The following ZNF804A variants were observed in gnomAD, a reference collection of about 807,000 sequenced individuals.
ZNF804A encodes zinc finger protein 804A.
A neutral mutation model predicts 16.5 loss-of-function variants in ZNF804A; 2 were observed. The observed-to-expected ratio is 0.12, with a 90% CI of 0.05 to 0.38. ZNF804A has a LOEUF of 0.38. Among genes scored for constraint, ZNF804A ranks in the 10% least tolerant of loss-of-function variants. The pLI is 0.99. For missense variants in ZNF804A, 1,473 were observed against 1,390.7 expected (o/e 1.06, Z -0.94); for synonymous variants, 534 against 489.6 (o/e 1.09, Z -1.20).
At chr2:184,888,273 G>A (rs1027212680) in intron 2 of ZNF804A, among the ~76,000 whole-genome samples, 1 of 152,062 alleles carries the variant, frequency 6.6e-6, no homozygotes, top group Non-Finnish European at 1.5e-5. Flanking sequence ...AAGTAAAGCA[G>A]AATTTCAAGT....
At chr2:184,798,100 AAATCTGCTTTT>A (rs1301948101) in intron 1 of ZNF804A, among the ~76,000 whole-genome samples, 1 of 150,938 alleles carries the variant, frequency 6.6e-6, no homozygotes, top group East Asian at 1.9e-4. Context: ...TTCTGCTGAG[AAATCTGCTTTT>A]AATCTGATAG....
chr2:184,857,857 T>C (rs922665076), intron 1 of ZNF804A, among the ~76,000 whole-genome samples: 1 of 152,174 alleles, frequency 6.6e-6, no homozygotes, highest in Admixed American at 6.5e-5. Flanking sequence ...ACATGTGAAA[T>C]GAATCTCTTA....
chr2:184,734,944 G>T (rs1347063654), intron 1 of ZNF804A, among the ~76,000 whole-genome samples: 1 of 152,024 alleles, frequency 6.6e-6, no homozygotes, highest in East Asian at 1.9e-4. Context: ...AACTTTTCTT[G>T]CCCTAAAGAC....
Position 184,838,639 on chromosome 2 carries a change from TTC to T in ZNF804A, c.112-27728_112-27727del, listed in dbSNP as rs199611364. ...TACAATCTGTACCATTTTAATATTT[TTC>T]TGTGTATGCCTTATTTAAAATAGCT... On this transcript the variant is annotated intron_variant, in intron 1 of 3. Coordinates refer to ENST00000302277, the MANE Select transcript of ZNF804A (RefSeq NM_194250.2). Among the ~76,000 whole-genome samples, 781 of 150,818 alleles carry T rather than the reference TTC, an allele frequency of 5.2e-3. 11 individuals carry two copies. Among genetic ancestry groups the T allele is most frequent in the African/African-American group, 0.019 (751 of 40,160 alleles).
At chr2:184,636,968 T>C (rs1247409625) in intron 1 of ZNF804A, among the ~76,000 whole-genome samples, 8 of 152,200 alleles carry the variant, frequency 5.3e-5, no homozygotes, top group African/African-American at 1.2e-4. Context: ...ATCTCTGATA[T>C]ACACTCTTGC....
At chr2:184,640,450 A>G (rs1364398271) in intron 1 of ZNF804A, among the ~76,000 whole-genome samples, 1 of 152,156 alleles carries the variant, frequency 6.6e-6, no homozygotes, top group Non-Finnish European at 1.5e-5. Flanking sequence ...AATACTATAT[A>G]ATTTATTTTA....
intron 1 of ZNF804A, among the ~76,000 whole-genome samples, chr2:184,830,897 A>G (rs929185685): frequency 1.3e-5 from 2 of 152,160 alleles, no homozygotes; most frequent in African/African-American, 2.4e-5. Flanking sequence ...CTGAGAAAAT[A>G]ACATGACACA....
At chr2:184,864,560 G>A (rs1322300600) in intron 1 of ZNF804A, among the ~76,000 whole-genome samples, 3 of 152,128 alleles carry the variant, frequency 2.0e-5, no homozygotes, top group Non-Finnish European at 4.4e-5. Flanking sequence ...TATGGCAAAT[G>A]TATGCATTGA....
intron 1 of ZNF804A, among the ~76,000 whole-genome samples, chr2:184,733,948 T>A (rs913875638): frequency 1.3e-5 from 2 of 152,094 alleles, no homozygotes; most frequent in African/African-American, 4.8e-5. Context: ...ATTTTGTTGA[T>A]CTTTTAAAGA....
At chr2:184,895,943 A>G (rs1685058126) in intron 2 of ZNF804A, among the ~76,000 whole-genome samples, 2 of 152,150 alleles carry the variant, frequency 1.3e-5, no homozygotes, top group African/African-American at 4.8e-5. Context: ...GCATGTAATA[A>G]AGTTTAATTA....
At chr2:184,681,278 A>G (rs571846234) in intron 1 of ZNF804A, among the ~76,000 whole-genome samples, 2 of 152,296 alleles carry the variant, frequency 1.3e-5, no homozygotes, top group Middle Eastern at 3.4e-3. Context: ...TCAAGAGCCT[A>G]CACTATGCCA....
Position 184,680,399 on chromosome 2 carries a change from T to A in ZNF804A, c.111+81329T>A, listed in dbSNP as rs558791704. On this transcript the variant is annotated intron_variant, in intron 1 of 3. Coordinates refer to ENST00000302277, the MANE Select transcript of ZNF804A (RefSeq NM_194250.2). ...GAGAGGAACTACCCACTGTGCATCT[T>A]CTCTCTGCTGATTGCTGAACAGATG... is the stretch of plus-strand genomic sequence containing the variant. Among the ~76,000 whole-genome samples the A allele has an allele frequency of 1.3e-4, 20 of 152,020 alleles. No individual in the cohort carries two copies. The South Asian group carries it at 4.1e-3, about 32-fold the overall frequency.
At chr2:184,704,234 C>T (rs1692983182) in intron 1 of ZNF804A, among the ~76,000 whole-genome samples, 1 of 151,760 alleles carries the variant, frequency 6.6e-6, no homozygotes, top group Non-Finnish European at 1.5e-5. Context: ...TCACGGCAAC[C>T]CCCGCCTCCC....
chr2:184,852,940 T>C (rs1362740602), intron 1 of ZNF804A, among the ~76,000 whole-genome samples: 4 of 151,826 alleles, frequency 2.6e-5, no homozygotes, highest in Non-Finnish European at 4.4e-5. Context: ...TTTTTTGGTT[T>C]CATATAAATT....
intron 1 of ZNF804A, among the ~76,000 whole-genome samples, chr2:184,782,826 A>C (rs1388561055): frequency 7.0e-6 from 1 of 143,690 alleles, no homozygotes; most frequent in African/African-American, 2.6e-5. Flanking sequence ...TCTGAAGTTT[A>C]GAATAAGCAT....
intron 1 of ZNF804A, among the ~76,000 whole-genome samples, chr2:184,856,673 C>T (rs1695692945): frequency 1.3e-5 from 2 of 152,052 alleles, no homozygotes; most frequent in African/African-American, 4.8e-5. Flanking sequence ...GACACCTTTG[C>T]TTTCTGTTGG....
intron 1 of ZNF804A, among the ~76,000 whole-genome samples, chr2:184,618,608 A>G (rs1345107582): frequency 1.3e-5 from 2 of 152,200 alleles, no homozygotes; most frequent in South Asian, 2.1e-4. Context: ...CCTGGAACCA[A>G]ACCCCCTGTA....
intron 1 of ZNF804A, among the ~76,000 whole-genome samples, chr2:184,710,440 A>G (rs1036316926): frequency 6.6e-6 from 1 of 151,626 alleles, no homozygotes; most frequent in African/African-American, 2.4e-5. Context: ...CCTTTAAACC[A>G]CATTCTGAAA....
At chr2:184,848,772 G>A (rs1180675132) in intron 1 of ZNF804A, among the ~76,000 whole-genome samples, 3 of 151,956 alleles carry the variant, frequency 2.0e-5, no homozygotes, top group Non-Finnish European at 4.4e-5. Context: ...CTTTGTAAGG[G>A]TATTTATGCT....
Sources: allele counts gnomAD v4.1 joint callset (sites outside exome capture counted in the v4.1 genomes callset), GRCh38; gene constraint gnomAD v4.1.1; transcripts MANE v1.5; gene names NCBI Gene and HGNC (gene_info 2026-07-23, HGNC 2026-07-21).